TMEM132E: variants seen among roughly 807,000 people sequenced by gnomAD.
The protein encoded by TMEM132E is transmembrane protein 132E.
A neutral mutation model predicts 78.5 loss-of-function variants in TMEM132E; 49 were observed. The observed-to-expected ratio is 0.62, with a 90% CI of 0.50 to 0.79. TMEM132E has a LOEUF of 0.79. Ranked by LOEUF, TMEM132E falls within the 30% of genes least tolerant of loss-of-function variation. The pLI is 0.00. For synonymous variants in TMEM132E, 715 were observed against 670.6 expected (o/e 1.07, Z -1.02); for missense variants, 1,403 against 1,470.9 (o/e 0.95, Z 0.75).
At position 34,637,903 on chromosome 17, in the gene TMEM132E, C is replaced by T; in HGVS notation, c.2896C>T (p.His966Tyr). 6.2e-7 allele frequency: 1 copy of T among 1,605,736 alleles called. No individual in the cohort carries two copies. The highest frequency in any genetic ancestry group is 8.5e-7 in the Non-Finnish European group (1 of 1,178,786). The change falls in exon 9 of 9, where the codon CAC (histidine) becomes TAC (tyrosine). Residue 966 changes from histidine (H) to tyrosine (Y), a missense_variant. Transcript: ENST00000631683. ...GCTGGAAACCGTGCCCGCCTTCTGC[C>T]ACGGCGACCACCACAGCAGCGGCAG... is the stretch of plus-strand genomic sequence containing the variant. ...NPLETVPAFC[H>Y]GDHHSSGSSQ...
At chr17:34,586,773 C>A (rs556931242) in intron 1 of TMEM132E, among the ~76,000 whole-genome samples, 1 of 149,682 alleles carries the variant, frequency 6.7e-6, no homozygotes, top group East Asian at 2.0e-4. Context: ...GCTTGTTGCA[C>A]GAATGAATGA....
Position 34,636,002 on chromosome 17 carries a change from C to T in TMEM132E, c.1978-5C>T. 1 of 1,457,734 alleles carries T rather than the reference C, an allele frequency of 6.9e-7. No individual in the cohort carries two copies. The highest frequency in any genetic ancestry group is 9.1e-7 in the Non-Finnish European group (1 of 1,102,008). 90.3% of individuals were successfully genotyped at this position (1,457,734 alleles called of 1,614,324 possible). Reference sequence around the variant, plus strand: ...CTCTCCCACCCCGGTCCCGCTCTGCCTCAGGTGGTGTCTCCGCTGACGGAG... The same window carrying T: ...CTCTCCCACCCCGGTCCCGCTCTGCTTCAGGTGGTGTCTCCGCTGACGGAG... On this transcript the variant is annotated splice_region_variant and splice_polypyrimidine_tract_variant and intron_variant, in intron 7 of 8. Coordinates refer to ENST00000631683, the MANE Select transcript of TMEM132E (RefSeq NM_001304438.2).
At chr17:34,633,653 G>A (rs996741810) in intron 6 of TMEM132E, among the ~76,000 whole-genome samples, 1 of 152,248 alleles carries the variant, frequency 6.6e-6, no homozygotes, top group African/African-American at 2.4e-5. Flanking sequence ...GGTGGTGAGA[G>A]AAACAGGTGG....
chr17:34,620,676 C>A (rs541633896), intron 1 of TMEM132E, among the ~76,000 whole-genome samples: 1 of 152,340 alleles, frequency 6.6e-6, no homozygotes, highest in African/African-American at 2.4e-5. Context: ...TTCACTCATA[C>A]CAGGACCAGG....
Position 34,626,156 on chromosome 17 carries a change from A to C in TMEM132E, c.97A>C (p.Ser33Arg). The change falls in exon 2 of 9, where the codon AGC (serine) becomes CGC (arginine). Residue 33 changes from serine to arginine, a missense_variant. Ser to Arg is a moderately radical substitution (Grantham distance 110, BLOSUM62 -1). Around this residue, in one of 3 missense-constraint regions of TMEM132E, gnomAD observed 511 missense variants for 499.0 expected, o/e 1.02. Coordinates refer to ENST00000631683, the MANE Select transcript of TMEM132E (RefSeq NM_001304438.2). The stretch of plus-strand genomic sequence containing the variant: ...TGGCCGCTCCCACCCGGCCAGCCCC[A>C]GCCCGCCGGGGCCGCAGGCCAGCCC... ...ASGRSHPASP[S>R]PPGPQASPVL... 2 of 1,547,176 alleles carry C rather than the reference A, an allele frequency of 1.3e-6. No homozygotes were observed. Among genetic ancestry groups the C allele is most frequent in the South Asian group, 2.5e-5 (2 of 80,974 alleles).
At chr17:34,631,172 T>A (rs1428256791) in intron 5 of TMEM132E, among the ~76,000 whole-genome samples, 2 of 152,338 alleles carry the variant, frequency 1.3e-5, no homozygotes, top group East Asian at 3.9e-4. Context: ...TCCCTCCTGC[T>A]GTCTCTCTCT....
chr17:34,586,710 A>T (rs896736380), intron 1 of TMEM132E, among the ~76,000 whole-genome samples: 1 of 152,196 alleles, frequency 6.6e-6, no homozygotes, highest in African/African-American at 2.4e-5. Context: ...TGGCTAGCAG[A>T]CAACCCAGCA....
At chr17:34,613,232 T>A (rs1421251063) in intron 1 of TMEM132E, among the ~76,000 whole-genome samples, 1 of 99,628 alleles carries the variant, frequency 1.0e-5, no homozygotes, top group Non-Finnish European at 2.3e-5. Flanking sequence ...CGCGCGTTCT[T>A]ACATTCTTTT....
chr17:34,594,118 T>C (rs934268448), intron 1 of TMEM132E, among the ~76,000 whole-genome samples: 1 of 152,224 alleles, frequency 6.6e-6, no homozygotes, highest in Admixed American at 6.5e-5. Context: ...ACCTGACATA[T>C]GACATGGTTA....
chr17:34,612,615 T>C (rs1045233043), intron 1 of TMEM132E, among the ~76,000 whole-genome samples: 1 of 152,170 alleles, frequency 6.6e-6, no homozygotes, highest in Non-Finnish European at 1.5e-5. Flanking sequence ...CGTCAAAACA[T>C]CAGAGATCAT....
chr17:34,609,585 A>G (rs1906523432), intron 1 of TMEM132E, among the ~76,000 whole-genome samples: 1 of 152,100 alleles, frequency 6.6e-6, no homozygotes. Context: ...CCTGCTGTCC[A>G]AGTGTGTGTG....
At chr17:34,587,419 C>A (rs1274280399) in intron 1 of TMEM132E, among the ~76,000 whole-genome samples, 2 of 152,118 alleles carry the variant, frequency 1.3e-5, no homozygotes, top group South Asian at 2.1e-4. Context: ...ACAAGGGAGG[C>A]AAATTTCCAT....
chr17:34,631,403 C>G (rs1907344342), intron 5 of TMEM132E, among the ~76,000 whole-genome samples: 1 of 152,238 alleles, frequency 6.6e-6, no homozygotes, highest in African/African-American at 2.4e-5. Context: ...CAAGGGCCCT[C>G]ACCCAGCACC....
intron 6 of TMEM132E, among the ~76,000 whole-genome samples, chr17:34,634,157 C>T (rs960687234): frequency 6.6e-6 from 1 of 152,228 alleles, no homozygotes; most frequent in African/African-American, 2.4e-5. Flanking sequence ...CCAAAGCACA[C>T]CTTCCTGGCA....
intron 1 of TMEM132E, among the ~76,000 whole-genome samples, chr17:34,608,356 A>G (rs1906483832): frequency 6.6e-6 from 1 of 152,204 alleles, no homozygotes; most frequent in Non-Finnish European, 1.5e-5. Context: ...TTCCAGATCC[A>G]TCATCTACTA....
chr17:34,622,999 G>A lies in TMEM132E; in HGVS notation c.68-3128G>A, dbSNP rs567611524. On this transcript the variant is annotated intron_variant, in intron 1 of 8. Coordinates refer to ENST00000631683, the MANE Select transcript of TMEM132E (RefSeq NM_001304438.2). Reference sequence around the variant, plus strand: ...AACAAAGATTGATGAGAGAGAGAGAGAAAAGAGAGGGGGAGAGAAACATTG... The same window carrying A: ...AACAAAGATTGATGAGAGAGAGAGAAAAAAGAGAGGGGGAGAGAAACATTG... Among the ~76,000 whole-genome samples, 32 of 152,144 alleles carry A rather than the reference G, an allele frequency of 2.1e-4. No homozygotes were observed. The East Asian group carries it at 5.6e-3, about 27-fold the overall frequency.
At chr17:34,629,308 G>T in intron 4 of TMEM132E, 104 bp downstream of exon 4, 5 of 1,261,608 alleles carry the variant, frequency 4.0e-6, no homozygotes, top group Non-Finnish European at 5.4e-6. Context: ...AAATTGACAT[G>T]TGTGTATATG....
At chr17:34,622,891 GGAAAAGGGATAGA>G (rs1436525814) in intron 1 of TMEM132E, among the ~76,000 whole-genome samples, 1 of 152,104 alleles carries the variant, frequency 6.6e-6, no homozygotes, top group African/African-American at 2.4e-5. Flanking sequence ...AAATGAAACA[GGAAAAGGGATAGA>G]GAGAGATCAG....
chr17:34,609,048 T>C (rs1415603249), intron 1 of TMEM132E, among the ~76,000 whole-genome samples: 1 of 152,218 alleles, frequency 6.6e-6, no homozygotes, highest in Non-Finnish European at 1.5e-5. Context: ...TTAACCAGCC[T>C]GGCTCTACAG....
Sources: gnomAD v4.1 joint callset for allele counts (sites outside exome capture counted in the v4.1 genomes callset) on GRCh38, gnomAD v4.1.1 for gene constraint, gnomAD v4.1.1 regional missense constraint, MANE v1.5 for transcripts, NCBI Gene and HGNC (gene_info 2026-07-23, HGNC 2026-07-21) for gene names.